The following ANKRD66 variants were observed in gnomAD, a reference collection of about 807,000 sequenced individuals.
ANKRD66 encodes the protein ankyrin repeat domain-containing protein 66.
ANKRD66 carries 10 observed loss-of-function variants against 10.9 expected under a neutral mutation model. That is an observed-to-expected ratio of 0.91 (90% CI 0.56 to 1.55). The LOEUF is 1.55. ANKRD66 is among the 40% of genes most tolerant of loss of function. The pLI is 0.00. For missense variants in ANKRD66, 252 were observed against 242.9 expected (o/e 1.04, Z -0.25); for synonymous variants, 85 against 88.4 (o/e 0.96, Z 0.22).
rs1238448841 is a variant in ANKRD66, at chr6:46,759,179, C to T, written c.*258C>T. On this transcript the variant is annotated 3_prime_UTR_variant, in exon 5 of 5. Transcript: ENST00000565422. ...TTGCACAGTCAGCATCTTTTGACCC[C>T]TGCCCCCCAACAATAATAGAATTTC... 1 of 304,274 alleles carries T rather than the reference C, an allele frequency of 3.3e-6. No individual in the cohort carries two copies. The highest frequency in any genetic ancestry group is 6.0e-6 in the Non-Finnish European group (1 of 167,172). 18.8% of individuals were successfully genotyped at this position (304,274 alleles called of 1,614,324 possible).
At chr6:46,752,986 G>T (rs1473792289) in intron 3 of ANKRD66, among the ~76,000 whole-genome samples, 2 of 152,210 alleles carry the variant, frequency 1.3e-5, no homozygotes, top group African/African-American at 4.8e-5. Flanking sequence ...TGGAGAATGG[G>T]TTGACAAGAA....
intron 2 of ANKRD66, among the ~76,000 whole-genome samples, chr6:46,750,874 T>C (rs900382014): frequency 6.6e-5 from 10 of 152,036 alleles, no homozygotes; most frequent in African/African-American, 2.2e-4. Context: ...ACTTTCTATA[T>C]GGTTTTATTA....
Position 46,758,795 on chromosome 6 carries a change from A to G in ANKRD66, c.465A>G (p.Glu155=), listed in dbSNP as rs781636098. 6.4e-7 allele frequency: 1 copy of G among 1,551,450 alleles called. No individual in the cohort carries two copies. The highest frequency in any genetic ancestry group is 1.2e-5 in the South Asian group (1 of 84,054). ...GGCTGCCTCTGGATGAGCGTGATGA[A>G]GACTGGGATGCCAAGAAAAGGGAGC... is the stretch of plus-strand genomic sequence containing the variant. The part of the protein sequence containing the change: ...QKGLPLDERD[E]DWDAKKRELE... The change falls in exon 5 of 5, where the codon GAA becomes GAG. Residue 155 remains glutamate, a synonymous_variant. Transcript: ENST00000565422.
intron 3 of ANKRD66, 105 bp from the exon 4 acceptor site, chr6:46,753,616 AG>A: frequency 8.8e-7 from 1 of 1,139,724 alleles, no homozygotes; most frequent in East Asian, 2.6e-5. Flanking sequence ...GGCTCCTCAA[AG>A]GCAAAGTTTC....
At chr6:46,756,999 T>A (rs1766398920) in intron 4 of ANKRD66, 1 of 152,080 alleles carries the variant, frequency 6.6e-6, no homozygotes, top group Admixed American at 6.6e-5. Flanking sequence ...GGGATCAACA[T>A]GAAATATGAT....
chr6:46,752,413 T>G (rs558532615), intron 3 of ANKRD66, among the ~76,000 whole-genome samples: 1 of 152,280 alleles, frequency 6.6e-6, no homozygotes, highest in South Asian at 2.1e-4. Context: ...TTTTGTATTT[T>G]TAATGGAGAA....
intron 2 of ANKRD66, among the ~76,000 whole-genome samples, chr6:46,751,221 T>C (rs1428492757): frequency 1.3e-5 from 2 of 152,200 alleles, no homozygotes; most frequent in African/African-American, 4.8e-5. Flanking sequence ...CACTATTGCT[T>C]TTGAGCCATC....
intron 1 of ANKRD66, among the ~76,000 whole-genome samples, chr6:46,748,907 T>A (rs1012115185): frequency 6.6e-6 from 1 of 152,212 alleles, no homozygotes; most frequent in East Asian, 1.9e-4. Context: ...CAATGCAGAA[T>A]CTCAGGCCAG....
intron 4 of ANKRD66, 31 bp downstream of exon 4, chr6:46,753,981 G>C: frequency 6.6e-7 from 1 of 1,526,532 alleles, no homozygotes. Flanking sequence ...CCTATAGAAG[G>C]AGCAGAGGAA....
Position 46,749,404 on chromosome 6 carries a change from C to T in ANKRD66, c.-96-492C>T, listed in dbSNP as rs577432769. Among the ~76,000 whole-genome samples the T allele has an allele frequency of 8.0e-4, 121 of 152,142 alleles. 1 individual carries two copies. The highest frequency in any genetic ancestry group is 9.7e-4 in the Non-Finnish European group (66 of 68,016). The stretch of plus-strand genomic sequence containing the variant: ...CTTCCCCCTCAGGCTTGTCCTCGTT[C>T]GCCTAAGAATATCTCCACCTGAGGG... On this transcript the variant is annotated intron_variant, in intron 1 of 4. Transcript: ENST00000565422.
At chr6:46,750,699 G>A (rs559705261) in intron 2 of ANKRD66, among the ~76,000 whole-genome samples, 4 of 147,944 alleles carry the variant, frequency 2.7e-5, no homozygotes, top group Middle Eastern at 3.6e-3. Context: ...TTATATATAC[G>A]TGTGTGTACA....
At chr6:46,750,361 C>T (rs1766244187) in intron 2 of ANKRD66, among the ~76,000 whole-genome samples, 2 of 152,126 alleles carry the variant, frequency 1.3e-5, no homozygotes, top group East Asian at 1.9e-4. Flanking sequence ...AAACTTATTA[C>T]ACTATAATAT....
intron 1 of ANKRD66, among the ~76,000 whole-genome samples, chr6:46,749,385 C>T (rs1766213567): frequency 6.6e-6 from 1 of 152,142 alleles, no homozygotes; most frequent in African/African-American, 2.4e-5. Flanking sequence ...GGCCCTTCCC[C>T]CTCAGGCTTG....
Position 46,753,747 on chromosome 6 carries a change from G to C in ANKRD66, c.189G>C (p.Leu63=), listed in dbSNP as rs1180433201. ...GGCAAATGGAGGTGATACGGCTCCT[G>C]ATAGAATATGGAGCCAGGCCCTGCC... ...IKGQMEVIRL[L]IEYGARPCLV... is the part of the protein sequence containing the mutation. The change falls in exon 4 of 5, where the codon CTG becomes CTC. Residue 63 remains leucine, a synonymous_variant. Transcript: ENST00000565422. 10 of 1,550,886 alleles carry C rather than the reference G, an allele frequency of 6.4e-6. No individual in the cohort carries two copies. The highest frequency in any genetic ancestry group is 8.7e-6 in the Non-Finnish European group (10 of 1,146,692).
At chr6:46,750,134 A>G (rs934434936) in intron 2 of ANKRD66, among the ~76,000 whole-genome samples, 155 bp downstream of exon 2, 16 of 152,244 alleles carry the variant, frequency 1.1e-4, no homozygotes, top group Admixed American at 6.5e-5. Context: ...GCCCCATCTC[A>G]AGTGGCACTC....
chr6:46,750,627 C>T (rs1766249717), intron 2 of ANKRD66, among the ~76,000 whole-genome samples: 1 of 148,350 alleles, frequency 6.7e-6, no homozygotes, highest in Non-Finnish European at 1.5e-5. Context: ...TACACATATA[C>T]ATACACACAT....
intron 1 of ANKRD66, among the ~76,000 whole-genome samples, chr6:46,747,631 A>C (rs1475879756): frequency 6.6e-6 from 1 of 152,216 alleles, no homozygotes; most frequent in Non-Finnish European, 1.5e-5. Context: ...TCAGTACTTC[A>C]TTCCTTTTTA....
At chr6:46,748,448 T>C (rs560119366) in intron 1 of ANKRD66, among the ~76,000 whole-genome samples, 1 of 152,340 alleles carries the variant, frequency 6.6e-6, no homozygotes, top group East Asian at 1.9e-4. Context: ...AACTTCTAGA[T>C]ACTGATTTAA....
intron 1 of ANKRD66, 43 bp from the exon 2 acceptor site, chr6:46,749,853 C>A: frequency 6.5e-7 from 1 of 1,535,884 alleles, no homozygotes. Flanking sequence ...GCATTTAGGG[C>A]ATTGCATTTT....
Sources: gnomAD v4.1 joint callset for allele counts (sites outside exome capture counted in the v4.1 genomes callset) on GRCh38, gnomAD v4.1.1 for gene constraint, MANE v1.5 for transcripts, NCBI Gene and HGNC (gene_info 2026-07-23, HGNC 2026-07-21) for gene names.